The following FAM227B variants were observed in gnomAD, a reference collection of about 807,000 sequenced individuals.
The protein encoded by FAM227B is family with sequence similarity 227 member B.
A neutral mutation model predicts 73.8 loss-of-function variants in FAM227B; 88 were observed. The ratio of observed to expected loss-of-function variants is 1.19; its 90% CI spans 1.00 to 1.42. The LOEUF is 1.42. Among genes scored for constraint, FAM227B ranks in the 40% most tolerant of loss-of-function variants. The pLI is 0.00. For missense variants in FAM227B, 632 were observed against 590.9 expected (o/e 1.07, Z -0.72); for synonymous variants, 210 against 190.5 (o/e 1.10, Z -0.84).
chr15:49,541,638 G>C (rs773788207), intron 10 of FAM227B, 42 bp downstream of exon 10: 2 of 1,345,674 alleles, frequency 1.5e-6, no homozygotes, highest in Non-Finnish European at 1.9e-6. Flanking sequence ...CAAAATTTTA[G>C]AAACCAAAAC....
intron 11 of FAM227B, among the ~76,000 whole-genome samples, chr15:49,463,618 A>G (rs1219828744): frequency 6.6e-6 from 1 of 151,428 alleles, no homozygotes; most frequent in East Asian, 1.9e-4. Context: ...CCCTGCCTAT[A>G]TTTCTTATTT....
intron 11 of FAM227B, among the ~76,000 whole-genome samples, chr15:49,388,278 G>A (rs1485077167): frequency 6.6e-6 from 1 of 151,584 alleles, no homozygotes; most frequent in African/African-American, 2.4e-5. Flanking sequence ...TGATACAAAA[G>A]TGGGCACCTA....
intron 12 of FAM227B, among the ~76,000 whole-genome samples, chr15:49,369,978 A>G (rs995791858): frequency 6.6e-6 from 1 of 152,236 alleles, no homozygotes; most frequent in Non-Finnish European, 1.5e-5. Context: ...TGGAGTCTTT[A>G]TAAGAAGAAG....
intron 15 of FAM227B, chr15:49,331,058 T>C (rs1039274994): frequency 2.0e-5 from 3 of 152,296 alleles, no homozygotes; most frequent in Non-Finnish European, 4.4e-5. Flanking sequence ...CTATCACTTT[T>C]CTGCCCCATG....
chr15:49,369,866 C>A (rs1043394272), intron 12 of FAM227B, among the ~76,000 whole-genome samples: 1 of 152,138 alleles, frequency 6.6e-6, no homozygotes, highest in Non-Finnish European at 1.5e-5. Context: ...AGAGTCTTTT[C>A]CTTCCAGAAG....
chr15:49,563,412 C>G (rs1363350759), intron 9 of FAM227B, among the ~76,000 whole-genome samples: 1 of 152,148 alleles, frequency 6.6e-6, no homozygotes, highest in Non-Finnish European at 1.5e-5. Context: ...AATGGCCATA[C>G]TGCCCAAAGC....
At chr15:49,406,982 A>G (rs1181185298) in intron 11 of FAM227B, among the ~76,000 whole-genome samples, 1 of 152,076 alleles carries the variant, frequency 6.6e-6, no homozygotes, top group Non-Finnish European at 1.5e-5. Context: ...GAGGCCCAGG[A>G]GAAGCCAGCA....
At chr15:49,347,480 T>C (rs1596358226) in intron 13 of FAM227B, among the ~76,000 whole-genome samples, 2 of 152,184 alleles carry the variant, frequency 1.3e-5, no homozygotes, top group Non-Finnish European at 2.9e-5. Context: ...TCTTTGCTAT[T>C]AGATTGCTTA....
intron 11 of FAM227B, among the ~76,000 whole-genome samples, chr15:49,422,172 G>A (rs559522998): frequency 7.6e-5 from 11 of 145,288 alleles, no homozygotes; most frequent in African/African-American, 1.5e-4. Flanking sequence ...GTGCGCGCGC[G>A]CGCGCGTGCA....
intron 10 of FAM227B, among the ~76,000 whole-genome samples, chr15:49,511,779 T>C (rs770029593): frequency 1.3e-5 from 2 of 152,162 alleles, no homozygotes; most frequent in Non-Finnish European, 2.9e-5. Context: ...GCAAAGGACA[T>C]TATCTCGTTC....
At chr15:49,400,688 A>C (rs2048072973) in intron 11 of FAM227B, among the ~76,000 whole-genome samples, 2 of 144,420 alleles carry the variant, frequency 1.4e-5, no homozygotes, top group South Asian at 4.8e-4. Context: ...GCCCTCAGAA[A>C]TAATGCCACA....
At chr15:49,587,992 A>G (rs759183119) in intron 5 of FAM227B, 24 bp downstream of exon 5, 4 of 1,410,694 alleles carry the variant, frequency 2.8e-6, no homozygotes, top group Non-Finnish European at 3.7e-6. Flanking sequence ...ACTTTCAAGG[A>G]TGATAAAAAC....
chr15:49,489,855 ATATT>A (rs1485325429), intron 11 of FAM227B, among the ~76,000 whole-genome samples: 130 of 14,522 alleles, frequency 9.0e-3, no homozygotes, highest in Non-Finnish European at 0.016. Context: ...ATATATATAT[ATATT>A]TTATATATAT....
intron 5 of FAM227B, among the ~76,000 whole-genome samples, chr15:49,584,778 A>G (rs2076042048): frequency 6.6e-6 from 1 of 152,166 alleles, no homozygotes; most frequent in South Asian, 2.1e-4. Context: ...ACACACAAAA[A>G]TATCTAGGAA....
At chr15:49,370,020 G>A (rs1044828981) in intron 12 of FAM227B, among the ~76,000 whole-genome samples, 3 of 152,194 alleles carry the variant, frequency 2.0e-5, no homozygotes, top group African/African-American at 7.2e-5. Flanking sequence ...TCTGCCATAT[G>A]AGGACACAAC....
chr15:49,457,088 GA>G (rs1350552172), intron 11 of FAM227B, among the ~76,000 whole-genome samples: 1 of 151,940 alleles, frequency 6.6e-6, no homozygotes, highest in Non-Finnish European at 1.5e-5. Context: ...GTCAAAATAG[GA>G]AGACTCCATA....
chr15:49,609,223 T>C (rs1184248632), intron 3 of FAM227B, among the ~76,000 whole-genome samples: 3 of 151,438 alleles, frequency 2.0e-5, no homozygotes, highest in Non-Finnish European at 4.4e-5. Context: ...AGAATTGTGA[T>C]GGAGTAAAGG....
chr15:49,583,197 ATTTGT>A (rs2075923137), intron 5 of FAM227B, among the ~76,000 whole-genome samples: 1 of 150,552 alleles, frequency 6.6e-6, no homozygotes. Context: ...CAACTCCCGT[ATTTGT>A]TTTTTTTTTT....
Position 49,576,787 on chromosome 15 carries a change from T to C in FAM227B, c.500A>G (p.Asp167Gly), listed in dbSNP as rs1355416998. Residue 167 changes from aspartate (D) to glycine (G), a missense_variant, in exon 7 of 16, where the codon GAT (aspartate) becomes GGT (glycine). Asp to Gly is a moderately conservative substitution (Grantham distance 94). Coordinates refer to ENST00000299338, the MANE Select transcript of FAM227B (RefSeq NM_152647.3). ...AATAAAAAGATAAATTTGTTCAGCATCCAAATGTCTGGGTAGCTGAGTAAG... is the reference window on the plus strand; with the variant it reads ...AATAAAAAGATAAATTTGTTCAGCACCCAAATGTCTGGGTAGCTGAGTAAG... ...NELTQLPRHL[D>G]AEQIYLFILK... The C allele has an allele frequency of 1.2e-6, 2 of 1,612,592 alleles. No homozygotes were observed. The highest frequency in any genetic ancestry group is 8.5e-7 in the Non-Finnish European group (1 of 1,179,028).
Sources: gnomAD v4.1 joint callset for allele counts (sites outside exome capture counted in the v4.1 genomes callset) on GRCh38, gnomAD v4.1.1 for gene constraint, MANE v1.5 for transcripts, NCBI Gene and HGNC (gene_info 2026-07-23, HGNC 2026-07-21) for gene names.